The following ECE1 variants were observed in gnomAD, a reference collection of about 807,000 sequenced individuals.
ECE1 encodes endothelin-converting enzyme 1.
In ECE1, 35 loss-of-function variants were observed where a neutral mutation model predicts 98.6. That is an observed-to-expected ratio of 0.35 (90% CI 0.27 to 0.47). The LOEUF (loss-of-function observed/expected upper bound fraction) is 0.47. Ranked by LOEUF, ECE1 falls within the 20% of genes least tolerant of loss-of-function variation. The probability of loss-of-function intolerance (pLI) is 1.00; values close to 1 mark genes in which losing one functional copy is unlikely to be tolerated. For synonymous variants in ECE1, 394 were observed against 407.1 expected, an observed-to-expected ratio of 0.97 and a Z score of 0.39; for missense variants, 814 against 1,025.3, an observed-to-expected ratio of 0.79 and a Z score of 2.81.
At chr1:21,241,280 C>G (rs2103251129) in intron 10 of ECE1, among the ~76,000 whole-genome samples, 1 of 152,272 alleles carries the variant, frequency 6.6e-6, no homozygotes, top group South Asian at 2.1e-4. Flanking sequence ...AGGTGATCTG[C>G]CCGCCTCAGC....
At chr1:21,321,250 C>T (rs529481248) in intron 1 of ECE1, among the ~76,000 whole-genome samples, 5 of 152,172 alleles carry the variant, frequency 3.3e-5, no homozygotes, top group Non-Finnish European at 5.9e-5. Flanking sequence ...GATAAGACCC[C>T]ATATAAACAA....
intron 8 of ECE1, among the ~76,000 whole-genome samples, chr1:21,251,174 T>A (rs993764208): frequency 1.3e-5 from 2 of 151,768 alleles, no homozygotes; most frequent in Admixed American, 1.3e-4. Flanking sequence ...ACAGGTGAAT[T>A]TGTGAGGAGG....
In ECE1 at chr1:21,276,684, C is replaced by A. The variant is rs80127127; in HGVS notation, c.280+2507G>T. 8.3e-3 allele frequency among the ~76,000 whole-genome samples: 1,033 copies of A among 124,576 alleles called. 9 individuals carry two copies. The highest frequency in any genetic ancestry group is 0.017 in the African/African-American group (597 of 35,136). The allele number at this position is 124,576 out of a possible 152,430, so 81.7% of individuals were successfully genotyped here. On this transcript the variant is annotated intron_variant, in intron 3 of 18. Transcript: ENST00000374893. ...CCTTCAGAATCATCAGATTTGCTTT[C>A]TTTTTTTTTTTTTTTTTTTGAGACG... is the stretch of plus-strand genomic sequence containing the variant.
rs1201665181 is a variant in ECE1, at chr1:21,260,857, CT to C, written c.494-466del. 6.6e-6 allele frequency among the ~76,000 whole-genome samples: 1 copy of C among 152,206 alleles called. No homozygotes were observed. Among genetic ancestry groups the C allele is most frequent in the African/African-American group, 2.4e-5 (1 of 41,432 alleles). On this transcript the variant is annotated intron_variant, in intron 4 of 18. Transcript: ENST00000374893. This position sits in a 1 kb window ranked among gnomAD's most constrained non-coding sequence, Gnocchi z 4.3. Reference sequence around the variant, plus strand: ...AAAAGGCTCATTCATTATGAATTTACTTTTTGCTTCCTCCTTGGAGGGGCTA... The same window carrying C: ...AAAAGGCTCATTCATTATGAATTTACTTTTGCTTCCTCCTTGGAGGGGCTA...
At position 21,345,315 on chromosome 1, in the gene ECE1, C is replaced by T; in HGVS notation, c.3+61G>A. 7.5e-7 allele frequency: 1 copy of T among 1,339,846 alleles called. No individual in the cohort carries two copies. Among genetic ancestry groups the T allele is most frequent in the South Asian group, 1.7e-5 (1 of 57,562 alleles). 83.0% of individuals were successfully genotyped at this position (1,339,846 alleles called of 1,614,324 possible). Reference sequence around the variant, plus strand: ...CGGCCCCGGGTGCCACCCGCGGCACCGCTGCCCGCGACCGTCGAGGCTGGG... The same window carrying T: ...CGGCCCCGGGTGCCACCCGCGGCACTGCTGCCCGCGACCGTCGAGGCTGGG... On this transcript the variant is annotated intron_variant, in intron 1 of 18. Coordinates refer to the ECE1 transcript ENST00000415912. The surrounding 1 kb of genome is among the most constrained non-coding windows in gnomAD (Gnocchi z 5.1).
chr1:21,254,594 A>G (rs2098217543), intron 8 of ECE1, among the ~76,000 whole-genome samples: 1 of 152,182 alleles, frequency 6.6e-6, no homozygotes, highest in African/African-American at 2.4e-5. Flanking sequence ...TGGCACAGAC[A>G]GTTGGCATCA....
Position 21,279,229 on chromosome 1 carries a change from A to G in ECE1, c.242T>C (p.Val81Ala), listed in dbSNP as rs776410903. 8 of 1,614,006 alleles carry G rather than the reference A, an allele frequency of 5.0e-6. No homozygotes were observed. In the African/African-American group the frequency reaches 8.0e-5, roughly 16 times the overall value. ...VLVVLLAAGL[V>A]ACLAALGIQY... is the part of the protein sequence containing the mutation. ...GATGCCCAGTGCTGCCAAGCAGGCC[A>G]CCAGTCCTGCCGCCAGAAGTACCAC... The change falls in exon 3 of 19, where the codon GTG becomes GCG. Residue 81 changes from valine to alanine, a missense_variant. Physicochemically the swap from Val to Ala is moderately conservative, Grantham distance 64. Coordinates refer to ENST00000374893, the MANE Select transcript of ECE1 (RefSeq NM_001397.3).
chr1:21,316,805 A>G (rs1638841091), intron 1 of ECE1, among the ~76,000 whole-genome samples: 1 of 152,252 alleles, frequency 6.6e-6, no homozygotes, highest in Non-Finnish European at 1.5e-5. Flanking sequence ...ACAGGAAGAC[A>G]GAAAAGCTGC....
chr1:21,251,308 T>A (rs1289394023), intron 8 of ECE1, among the ~76,000 whole-genome samples: 1 of 151,164 alleles, frequency 6.6e-6, no homozygotes, highest in Non-Finnish European at 1.5e-5. Context: ...AGTCCAGGAG[T>A]TCAAGACCAG....
chr1:21,268,200 C>A (rs1193006301), intron 4 of ECE1, among the ~76,000 whole-genome samples: 1 of 152,110 alleles, frequency 6.6e-6, no homozygotes, highest in Non-Finnish European at 1.5e-5. Context: ...TGTAGGCTCT[C>A]TAGCTGGTAG....
intron 3 of ECE1, among the ~76,000 whole-genome samples, chr1:21,275,903 G>T (rs372437385): frequency 2.6e-5 from 4 of 152,020 alleles, no homozygotes; most frequent in African/African-American, 9.7e-5. Context: ...GCTATGTCAC[G>T]ACCATCTCCT....
At chr1:21,268,703 C>T (rs1437657351) in intron 4 of ECE1, among the ~76,000 whole-genome samples, 2 of 152,234 alleles carry the variant, frequency 1.3e-5, no homozygotes, top group Non-Finnish European at 1.5e-5. Flanking sequence ...GGCTTGTTCC[C>T]GTGCCCATCA....
At position 21,225,251 on chromosome 1, in the gene ECE1, C is replaced by A; in HGVS notation, c.2039G>T (p.Arg680Leu). 6.2e-7 allele frequency: 1 copy of A among 1,614,014 alleles called. No individual in the cohort carries two copies. Among genetic ancestry groups the A allele is most frequent in the Non-Finnish European group, 8.5e-7 (1 of 1,180,016 alleles). The change falls in exon 17 of 19, where the codon CGG becomes CTG. Residue 680 changes from arginine to leucine, a missense_variant and splice_region_variant. Arg to Leu is a moderately radical substitution (Grantham distance 102, BLOSUM62 -2). Around this residue, in one of 3 missense-constraint regions of ECE1, gnomAD observed 452 missense variants for 567.3 expected, o/e 0.80. Coordinates refer to ENST00000374893, the MANE Select transcript of ECE1 (RefSeq NM_001397.3). The surrounding 1 kb of genome is among the most constrained non-coding windows in gnomAD (Gnocchi z 5.3). The stretch of plus-strand genomic sequence containing the variant: ...GCGTGTGGGGAGCGGGGCTCTCACC[C>A]GATAGGCCGCCTTGAGACCCCCGTT... ...ADNGGLKAAYRAYQNWVKKNG... is the reference protein window; with the variant it reads ...ADNGGLKAAYLAYQNWVKKNG...
intron 1 of ECE1, among the ~76,000 whole-genome samples, chr1:21,344,547 T>G (rs1639459215): frequency 6.6e-6 from 1 of 152,072 alleles, no homozygotes; most frequent in South Asian, 2.1e-4. Context: ...GCTCTTGGGG[T>G]CCAGGGACAA....
At position 21,225,316 on chromosome 1, in the gene ECE1, C is replaced by G. The variant is rs188986875; in HGVS notation, c.1974G>C (p.Pro658=). Residue 658 remains proline, a synonymous_variant, in exon 17 of 19, where the codon CCG becomes CCC. Transcript: ENST00000374893. The surrounding 1 kb of genome is among the most constrained non-coding windows in gnomAD (Gnocchi z 5.3). ...CCCCCAGGGTGTGCCGCCCGTTCAC[C>G]GGCTCCCCGTTCACGCTGTAGTTGC... ...QYSNYSVNGE[P]VNGRHTLGEN... is the part of the protein sequence containing the mutation. The G allele has an allele frequency of 6.2e-7, 1 of 1,614,230 alleles. No individual in the cohort carries two copies. Among genetic ancestry groups the G allele is most frequent in the Non-Finnish European group, 8.5e-7 (1 of 1,180,042 alleles).
In ECE1 at chr1:21,258,346, G is replaced by C. The variant is rs1185297796; in HGVS notation, c.762+347C>G. On this transcript the variant is annotated intron_variant, in intron 6 of 18. Coordinates refer to ENST00000374893, the MANE Select transcript of ECE1 (RefSeq NM_001397.3). The surrounding 1 kb of genome is among the most constrained non-coding windows in gnomAD (Gnocchi z 4.2). ...TCTGTCTGGGGCATGCTCTGACAGGGAGAGATGGATTCAAACCCATTCCAA... is the reference window on the plus strand; with the variant it reads ...TCTGTCTGGGGCATGCTCTGACAGGCAGAGATGGATTCAAACCCATTCCAA... 3.3e-5 allele frequency among the ~76,000 whole-genome samples: 5 copies of C among 152,190 alleles called. No homozygotes were observed. The East Asian group carries it at 9.6e-4, about 29-fold the overall frequency.
In ECE1 at chr1:21,272,825, G is replaced by A; in HGVS notation, c.367C>T (p.His123Tyr). Residue 123 changes from histidine to tyrosine, a missense_variant, in exon 4 of 19, where the codon CAT (histidine) becomes TAT (tyrosine). By Grantham distance (83) the His-to-Tyr change is moderately conservative (BLOSUM62 2). This residue lies in a region of ECE1 where 257 missense variants were observed against 278.9 expected (regional missense o/e 0.92). Coordinates refer to ENST00000374893, the MANE Select transcript of ECE1 (RefSeq NM_001397.3). ...CCACAGGCGTAGCTGAAGAAGTCAT[G>A]GCAGGGGTCCACTGTGGGGTCCATG... ...SSMDPTVDPC[H>Y]DFFSYACGGW... 1 of 1,614,290 alleles carries A rather than the reference G, an allele frequency of 6.2e-7. No individual in the cohort carries two copies. Among genetic ancestry groups the A allele is most frequent in the Non-Finnish European group, 8.5e-7 (1 of 1,180,054 alleles).
chr1:21,312,438 C>CA (rs35358753), intron 1 of ECE1, among the ~76,000 whole-genome samples: 1 of 143,198 alleles, frequency 7.0e-6, no homozygotes, highest in African/African-American at 2.6e-5. Context: ...AATCCTGTCT[C>CA]AAAAAAATAA....
intron 1 of ECE1, among the ~76,000 whole-genome samples, chr1:21,331,968 G>T (rs1360717177): frequency 2.0e-5 from 3 of 152,080 alleles, no homozygotes; most frequent in Non-Finnish European, 4.4e-5. Flanking sequence ...ACTCCCAGGA[G>T]CCTCCTCAGA....
Sources: gnomAD v4.1 joint callset for allele counts (sites outside exome capture counted in the v4.1 genomes callset) on GRCh38, gnomAD v4.1.1 for gene constraint, gnomAD v4.1.1 regional missense constraint, Gnocchi (gnomAD v3.1) non-coding constraint, MANE v1.5 for transcripts, NCBI Gene and HGNC (gene_info 2026-07-23, HGNC 2026-07-21) for gene names.